The following JMJD1C variants were observed in gnomAD, a reference collection of about 807,000 sequenced individuals.
JMJD1C encodes jumonji domain containing 1C, also known as jumonji domain-containing protein 1C.
JMJD1C carries 31 observed loss-of-function variants against 245.3 expected under a neutral mutation model. That is an observed-to-expected ratio of 0.13 (90% CI 0.09 to 0.17). JMJD1C has a LOEUF of 0.17. Among genes scored for constraint, JMJD1C ranks in the 10% least tolerant of loss-of-function variants. The pLI is 1.00. For missense variants in JMJD1C, 2,691 were observed against 3,000.2 expected (o/e 0.90, Z 2.41); for synonymous variants, 1,057 against 1,017.4 (o/e 1.04, Z -0.74).
intron 2 of JMJD1C, among the ~76,000 whole-genome samples, chr10:63,278,992 G>A (rs1857118298): frequency 6.6e-6 from 1 of 152,182 alleles, no homozygotes; most frequent in Non-Finnish European, 1.5e-5. Flanking sequence ...GCTCACGCCT[G>A]TAATCCCAAC....
chr10:63,409,373 T>C (rs1949355285), intron 1 of JMJD1C, among the ~76,000 whole-genome samples: 1 of 152,190 alleles, frequency 6.6e-6, no homozygotes. Context: ...CATATGTAAC[T>C]GTTTTTCCAA....
intron 1 of JMJD1C, among the ~76,000 whole-genome samples, chr10:63,492,871 C>T (rs970224370): frequency 6.6e-6 from 1 of 152,156 alleles, no homozygotes; most frequent in South Asian, 2.1e-4. Context: ...AAATAACCCA[C>T]TACAGTTTTG....
chr10:63,396,086 A>C (rs967391140), intron 1 of JMJD1C, among the ~76,000 whole-genome samples: 1 of 152,194 alleles, frequency 6.6e-6, no homozygotes, highest in African/African-American at 2.4e-5. Context: ...TTAAAAACAA[A>C]TTAAATGCAT....
At chr10:63,374,149 G>A (rs569923078) in intron 2 of JMJD1C, among the ~76,000 whole-genome samples, 1 of 152,006 alleles carries the variant, frequency 6.6e-6, no homozygotes, top group East Asian at 1.9e-4. Flanking sequence ...TGACAAAAAG[G>A]TTATAATATC....
chr10:63,360,959 T>C (rs766319418), intron 2 of JMJD1C, among the ~76,000 whole-genome samples: 3 of 152,154 alleles, frequency 2.0e-5, no homozygotes, highest in Non-Finnish European at 2.9e-5. Flanking sequence ...CTAAAAAGTA[T>C]AGTTTCCATT....
intron 1 of JMJD1C, among the ~76,000 whole-genome samples, chr10:63,388,822 T>A (rs988095308): frequency 1.3e-5 from 2 of 151,820 alleles, no homozygotes; most frequent in African/African-American, 4.8e-5. Flanking sequence ...ACATATAAAC[T>A]GAAAGTAAAG....
intron 1 of JMJD1C, among the ~76,000 whole-genome samples, chr10:63,509,735 A>G (rs1342263627): frequency 6.6e-6 from 1 of 152,136 alleles, no homozygotes; most frequent in Admixed American, 6.5e-5. Context: ...TTTAATGTCA[A>G]TGGGATCTGT....
chr10:63,342,026 T>C (rs1943428663), intron 2 of JMJD1C, among the ~76,000 whole-genome samples: 2 of 152,218 alleles, frequency 1.3e-5, no homozygotes, highest in African/African-American at 4.8e-5. Flanking sequence ...AATGGTGACT[T>C]TGAAGAATTC....
intron 1 of JMJD1C, among the ~76,000 whole-genome samples, chr10:63,458,110 C>T (rs1048753680): frequency 1.3e-5 from 2 of 152,152 alleles, no homozygotes; most frequent in African/African-American, 4.8e-5. Flanking sequence ...TCAACATTAA[C>T]AATTTAGTAA....
intron 12 of JMJD1C, among the ~76,000 whole-genome samples, chr10:63,197,829 C>T (rs780659683): frequency 7.2e-5 from 11 of 152,116 alleles, no homozygotes; most frequent in South Asian, 4.1e-4. Context: ...TTGAATAATT[C>T]TTTGTTGGGA....
intron 1 of JMJD1C, among the ~76,000 whole-genome samples, chr10:63,409,373 T>A (rs1949355285): frequency 6.6e-6 from 1 of 152,190 alleles, no homozygotes; most frequent in African/African-American, 2.4e-5. Context: ...CATATGTAAC[T>A]GTTTTTCCAA....
At chr10:63,457,979 T>C (rs1022038756) in intron 1 of JMJD1C, among the ~76,000 whole-genome samples, 10 of 152,196 alleles carry the variant, frequency 6.6e-5, no homozygotes, top group African/African-American at 2.4e-4. Flanking sequence ...TTCTACAATA[T>C]AAGATAAATC....
At chr10:63,381,057 A>C (rs1316443160) in intron 1 of JMJD1C, among the ~76,000 whole-genome samples, 1 of 152,258 alleles carries the variant, frequency 6.6e-6, no homozygotes, top group African/African-American at 2.4e-5. Context: ...AAAATGTGGT[A>C]TATATACACA....
intron 2 of JMJD1C, among the ~76,000 whole-genome samples, chr10:63,369,724 A>G (rs1235808572): frequency 6.6e-6 from 1 of 152,202 alleles, no homozygotes; most frequent in Non-Finnish European, 1.5e-5. Context: ...TGTAGGCCAA[A>G]GGCTAGGGCA....
At chr10:63,176,214 A>G (rs1842846193) in intron 24 of JMJD1C, 83 bp downstream of exon 24, 2 of 879,130 alleles carry the variant, frequency 2.3e-6, no homozygotes, top group Admixed American at 3.0e-5. Flanking sequence ...TCTTCCATTT[A>G]TATCTATACT....
At chr10:63,381,140 A>AT (rs1947182192) in intron 1 of JMJD1C, among the ~76,000 whole-genome samples, 1 of 152,238 alleles carries the variant, frequency 6.6e-6, no homozygotes, top group Non-Finnish European at 1.5e-5. Context: ...ACTGGAGGTG[A>AT]TTATGTTATA....
In JMJD1C at chr10:63,296,001, G is replaced by GTATA. The variant is rs1234613103; in HGVS notation, c.334-31238_334-31237insTATA. Among the ~76,000 whole-genome samples, 210 of 97,598 alleles carry GTATA rather than the reference G, an allele frequency of 2.2e-3. 4 individuals are homozygous for GTATA. The highest frequency in any genetic ancestry group is 0.012 in the Middle Eastern group (2 of 168). 64.0% of individuals were successfully genotyped at this position (97,598 alleles called of 152,430 possible). On this transcript the variant is annotated intron_variant, in intron 2 of 25. Transcript: ENST00000399262. ...TGTGTGTGTGTGTGTGTGTGTGTGTGTGTATATATATATTTTTTTTTTTTT... is the reference window on the plus strand; with the variant it reads ...TGTGTGTGTGTGTGTGTGTGTGTGTGTATATGTATATATATATTTTTTTTTTTTT...
intron 1 of JMJD1C, among the ~76,000 whole-genome samples, chr10:63,400,926 C>A (rs1231104242): frequency 6.6e-6 from 1 of 152,024 alleles, no homozygotes; most frequent in Non-Finnish European, 1.5e-5. Flanking sequence ...TGTCACCAGG[C>A]TGGAGTGCAC....
At chr10:63,426,885 C>T (rs1015770040) in intron 1 of JMJD1C, among the ~76,000 whole-genome samples, 5 of 152,240 alleles carry the variant, frequency 3.3e-5, no homozygotes, top group African/African-American at 1.2e-4. Flanking sequence ...TTCATGACTC[C>T]ATTACTGATT....
Sources: allele counts gnomAD v4.1 joint callset (sites outside exome capture counted in the v4.1 genomes callset), GRCh38; gene constraint gnomAD v4.1.1; transcripts MANE v1.5; gene names NCBI Gene and HGNC (gene_info 2026-07-23, HGNC 2026-07-21).